RBMS3: variants seen among roughly 807,000 people sequenced by gnomAD.
RBMS3 encodes RNA binding motif single stranded interacting protein 3.
Under a neutral mutation model 66.8 loss-of-function variants are expected in RBMS3, and 27 were observed. That is an observed-to-expected ratio of 0.40 (90% CI 0.30 to 0.56). RBMS3 has a LOEUF of 0.56. Among genes scored for constraint, RBMS3 ranks in the 20% least tolerant of loss-of-function variants. The pLI is 0.40. For missense variants in RBMS3, 513 were observed against 549.5 expected, an observed-to-expected ratio of 0.93 and a Z score of 0.66; for synonymous variants, 188 against 183.0, an observed-to-expected ratio of 1.03 and a Z score of -0.22.
chr3:29,789,780 A>T (rs1230253103), intron 6 of RBMS3, among the ~76,000 whole-genome samples: 1 of 152,070 alleles, frequency 6.6e-6, no homozygotes, highest in Non-Finnish European at 1.5e-5. Context: ...GCATTTTATG[A>T]TTTGTGCATC....
rs112115504 is a variant in RBMS3 at position 29,830,272 on chromosome 3, G to A, written c.638-38586G>A. ...TTAAAGCAATTTGACTAAACATATC[G>A]GTGATCATAAAAATAAAGTCAAGGT... On this transcript the variant is annotated intron_variant, in intron 6 of 14. Transcript: ENST00000383767. Among the ~76,000 whole-genome samples, 445 of 151,972 alleles carry A rather than the reference G, an allele frequency of 2.9e-3. 6 individuals carry two copies. The highest frequency in any genetic ancestry group is 9.7e-3 in the African/African-American group (401 of 41,476).
In RBMS3 at chr3:29,837,748, A is replaced by G. The variant is rs375601043; in HGVS notation, c.638-31110A>G. Among the ~76,000 whole-genome samples the G allele has an allele frequency of 3.7e-5, 5 of 133,990 alleles. No individual in the cohort carries two copies. In the South Asian group the frequency reaches 7.4e-4, roughly 20 times the overall value. The allele number at this position is 133,990 out of a possible 152,430, so 87.9% of individuals were successfully genotyped here. On this transcript the variant is annotated intron_variant, in intron 6 of 14. Transcript: ENST00000383767. Reference sequence around the variant, plus strand: ...TGTGAACCCTGATGAGGAATGTGGTATGATTTGTTGATTTTATGCCTTAAT... The same window carrying G: ...TGTGAACCCTGATGAGGAATGTGGTGTGATTTGTTGATTTTATGCCTTAAT...
intron 7 of RBMS3, among the ~76,000 whole-genome samples, chr3:29,873,999 A>T (rs1219215526): frequency 6.6e-6 from 1 of 152,170 alleles, no homozygotes; most frequent in Non-Finnish European, 1.5e-5. Flanking sequence ...ATGCTAATGT[A>T]AAGTATGTGC....
intron 4 of RBMS3, among the ~76,000 whole-genome samples, chr3:29,683,569 G>A (rs1169790827): frequency 1.3e-5 from 2 of 152,028 alleles, no homozygotes; most frequent in Non-Finnish European, 2.9e-5. Flanking sequence ...CTAACTCCTG[G>A]CTAGAAATAT....
At chr3:29,899,920 A>G (rs1186593662) in intron 10 of RBMS3, among the ~76,000 whole-genome samples, 165 bp downstream of exon 10, 1 of 151,774 alleles carries the variant, frequency 6.6e-6, no homozygotes, top group Non-Finnish European at 1.5e-5. Context: ...AAAAGCATGT[A>G]CAATAGATAG....
intron 13 of RBMS3, 100 bp from the exon 14 acceptor site, chr3:29,990,982 C>T: frequency 1.7e-6 from 2 of 1,158,880 alleles, no homozygotes; most frequent in Non-Finnish European, 2.5e-6. Context: ...CTGAGGGTAT[C>T]TCTACTTAAG....
chr3:29,542,443 C>A (rs1271529977), intron 3 of RBMS3, among the ~76,000 whole-genome samples: 1 of 152,142 alleles, frequency 6.6e-6, no homozygotes, highest in East Asian at 1.9e-4. Context: ...TCACTGCAAC[C>A]TGCGCCTCCC....
chr3:29,828,714 A>G (rs1250114213), intron 6 of RBMS3, among the ~76,000 whole-genome samples: 1 of 152,198 alleles, frequency 6.6e-6, no homozygotes, highest in Admixed American at 6.5e-5. Context: ...AAGGTAACAG[A>G]TGTTGGATTG....
intron 1 of RBMS3, among the ~76,000 whole-genome samples, chr3:29,354,083 G>A (rs960767198): frequency 6.6e-6 from 1 of 151,930 alleles, no homozygotes; most frequent in Admixed American, 6.6e-5. Context: ...TCTGATTTTT[G>A]TTTGGTGGTA....
chr3:29,737,521 T>G (rs532429092), intron 4 of RBMS3, among the ~76,000 whole-genome samples: 2 of 152,258 alleles, frequency 1.3e-5, no homozygotes, highest in African/African-American at 2.4e-5. Context: ...AGATTGAATC[T>G]TTCATGTCTC....
intron 3 of RBMS3, among the ~76,000 whole-genome samples, chr3:29,511,976 A>C (rs2044430797): frequency 6.6e-6 from 1 of 152,080 alleles, no homozygotes; most frequent in Admixed American, 6.6e-5. Context: ...ATTTGGTTTA[A>C]ATTTGCATGC....
At chr3:29,550,141 T>C (rs538027713) in intron 3 of RBMS3, among the ~76,000 whole-genome samples, 1 of 152,340 alleles carries the variant, frequency 6.6e-6, no homozygotes, top group Admixed American at 6.5e-5. Flanking sequence ...GCTCCATTGG[T>C]TCTGTTTTAG....
intron 3 of RBMS3, among the ~76,000 whole-genome samples, chr3:29,514,311 C>A (rs925335937): frequency 6.6e-6 from 1 of 152,068 alleles, no homozygotes; most frequent in East Asian, 1.9e-4. Flanking sequence ...CCATGTTTGG[C>A]AACCTAAAGC....
At chr3:29,838,462 A>G (rs2058583212) in intron 6 of RBMS3, among the ~76,000 whole-genome samples, 1 of 152,190 alleles carries the variant, frequency 6.6e-6, no homozygotes, top group South Asian at 2.1e-4. Flanking sequence ...CTTCAATGTT[A>G]TGTTAATTTC....
At chr3:29,613,131 G>A (rs1197177263) in intron 4 of RBMS3, among the ~76,000 whole-genome samples, 2 of 152,082 alleles carry the variant, frequency 1.3e-5, no homozygotes, top group East Asian at 1.9e-4. Flanking sequence ...TTTTTTTAAT[G>A]TAATAATACT....
At chr3:29,306,524 C>T (rs1302717772) in intron 1 of RBMS3, among the ~76,000 whole-genome samples, 1 of 151,872 alleles carries the variant, frequency 6.6e-6, no homozygotes, top group Non-Finnish European at 1.5e-5. Flanking sequence ...CCTTAATTCA[C>T]AGAAAGTAAG....
At chr3:29,425,885 C>T (rs1344813824) in intron 1 of RBMS3, among the ~76,000 whole-genome samples, 4 of 152,108 alleles carry the variant, frequency 2.6e-5, no homozygotes, top group South Asian at 2.1e-4. Context: ...TCTAGCTCAT[C>T]GTGAAAGCAG....
chr3:29,666,960 C>A (rs920120676), intron 4 of RBMS3, among the ~76,000 whole-genome samples: 5 of 152,036 alleles, frequency 3.3e-5, no homozygotes, highest in African/African-American at 1.2e-4. Flanking sequence ...CTTGCTACCA[C>A]CAAATAGGGC....
chr3:29,569,037 G>A (rs2046843039), intron 3 of RBMS3, among the ~76,000 whole-genome samples: 1 of 152,054 alleles, frequency 6.6e-6, no homozygotes, highest in Non-Finnish European at 1.5e-5. Flanking sequence ...GCCTGAAATT[G>A]TGCACTTCTA....
Sources: gnomAD v4.1 joint callset for allele counts (sites outside exome capture counted in the v4.1 genomes callset) on GRCh38, gnomAD v4.1.1 for gene constraint, MANE v1.5 for transcripts, NCBI Gene and HGNC (gene_info 2026-07-23, HGNC 2026-07-21) for gene names.